PPP2R5E: variants seen among roughly 807,000 people sequenced by gnomAD.
The protein encoded by PPP2R5E is serine/threonine-protein phosphatase 2A 56 kDa regulatory subunit epsilon isoform.
PPP2R5E carries 4 observed loss-of-function variants against 65.3 expected under a neutral mutation model. That is an observed-to-expected ratio of 0.06 (90% CI 0.03 to 0.14). The LOEUF is 0.14. Among genes scored for constraint, PPP2R5E ranks in the 10% least tolerant of loss-of-function variants. PPP2R5E has a pLI of 1.00. For missense variants in PPP2R5E, 274 were observed against 556.1 expected (o/e 0.49, Z 5.10); for synonymous variants, 183 against 187.4 (o/e 0.98, Z 0.19).
At chr14:63,515,387 G>A (rs111527166) in intron 2 of PPP2R5E, among the ~76,000 whole-genome samples, 5 of 152,118 alleles carry the variant, frequency 3.3e-5, no homozygotes, top group African/African-American at 9.7e-5. Flanking sequence ...AAGATAACTT[G>A]GAAAACAATT....
chr14:63,522,147 T>G (rs1359259830), intron 2 of PPP2R5E, among the ~76,000 whole-genome samples: 1 of 152,074 alleles, frequency 6.6e-6, no homozygotes, highest in Non-Finnish European at 1.5e-5. Context: ...GGTTTCGCTG[T>G]GTTGGCCGGG....
At chr14:63,457,347 A>G (rs1280859983) in intron 2 of PPP2R5E, among the ~76,000 whole-genome samples, 1 of 152,184 alleles carries the variant, frequency 6.6e-6, no homozygotes, top group African/African-American at 2.4e-5. Context: ...TAAAAGGATC[A>G]CTTAAGAAGC....
At chr14:63,414,602 T>A (rs1267729783) in intron 5 of PPP2R5E, among the ~76,000 whole-genome samples, 1 of 152,188 alleles carries the variant, frequency 6.6e-6, no homozygotes, top group Non-Finnish European at 1.5e-5. Flanking sequence ...GAAAAAAGTG[T>A]TCCCGGAGAT....
chr14:63,409,232 CA>C (rs1418087078), intron 5 of PPP2R5E, among the ~76,000 whole-genome samples: 1 of 151,674 alleles, frequency 6.6e-6, no homozygotes, highest in Non-Finnish European at 1.5e-5. Flanking sequence ...GACTCTGTCT[CA>C]AAAAAACAAT....
chr14:63,419,563 T>C (rs1886888432), intron 4 of PPP2R5E, among the ~76,000 whole-genome samples: 1 of 151,706 alleles, frequency 6.6e-6, no homozygotes, highest in African/African-American at 2.4e-5. Flanking sequence ...GGTGGCTAAT[T>C]TGTGCTATAA....
At chr14:63,388,024 C>T (rs570773448) in intron 11 of PPP2R5E, among the ~76,000 whole-genome samples, 67 of 152,260 alleles carry the variant, frequency 4.4e-4, no homozygotes, top group Admixed American at 7.8e-4. Flanking sequence ...TTTAAGTCGC[C>T]AGTCTTGTTA....
At chr14:63,519,389 C>T (rs902740613) in intron 2 of PPP2R5E, among the ~76,000 whole-genome samples, 2 of 151,728 alleles carry the variant, frequency 1.3e-5, no homozygotes, top group African/African-American at 4.8e-5. Context: ...CTTGTTCTGT[C>T]ACCCAGGCTG....
At chr14:63,379,430 C>A (rs1884183921) in intron 13 of PPP2R5E, among the ~76,000 whole-genome samples, 2 of 152,206 alleles carry the variant, frequency 1.3e-5, no homozygotes, top group Admixed American at 1.3e-4. Flanking sequence ...TGCCTCCACG[C>A]CCGGCTAATT....
intron 2 of PPP2R5E, among the ~76,000 whole-genome samples, chr14:63,503,188 T>G (rs961017054): frequency 2.0e-5 from 3 of 152,116 alleles, no homozygotes; most frequent in Non-Finnish European, 2.9e-5. Context: ...AGAGGGATTT[T>G]GGGAAAGGCA....
At chr14:63,505,284 C>CAAAT (rs925114049) in intron 2 of PPP2R5E, among the ~76,000 whole-genome samples, 11 of 152,146 alleles carry the variant, frequency 7.2e-5, no homozygotes, top group East Asian at 1.9e-4. Flanking sequence ...GAGACTCTGT[C>CAAAT]AAATAAATAA....
At chr14:63,497,346 C>T (rs1391970462) in intron 2 of PPP2R5E, among the ~76,000 whole-genome samples, 1 of 152,098 alleles carries the variant, frequency 6.6e-6, no homozygotes, top group African/African-American at 2.4e-5. Context: ...GGCTCCCCAT[C>T]AAAAGGCCAC....
At chr14:63,455,974 C>A (rs1398064829) in intron 2 of PPP2R5E, among the ~76,000 whole-genome samples, 1 of 152,120 alleles carries the variant, frequency 6.6e-6, no homozygotes, top group East Asian at 1.9e-4. Flanking sequence ...GCCATGTTGG[C>A]CAGGCTGGTC....
At chr14:63,379,563 C>T (rs1159014170) in intron 13 of PPP2R5E, among the ~76,000 whole-genome samples, 7 of 152,000 alleles carry the variant, frequency 4.6e-5, no homozygotes, top group East Asian at 1.9e-4. Flanking sequence ...TGAGCCACTA[C>T]GCCTGGCCCC....
At chr14:63,461,537 C>G (rs1889458026) in intron 2 of PPP2R5E, among the ~76,000 whole-genome samples, 1 of 151,872 alleles carries the variant, frequency 6.6e-6, no homozygotes, top group African/African-American at 2.4e-5. Context: ...GGCTCCCACC[C>G]AAAATCCCAG....
At chr14:63,465,687 A>G (rs1889761048) in intron 2 of PPP2R5E, among the ~76,000 whole-genome samples, 1 of 152,188 alleles carries the variant, frequency 6.6e-6, no homozygotes, top group Non-Finnish European at 1.5e-5. Flanking sequence ...TAGTAATACC[A>G]AACTTGAATT....
chr14:63,496,480 A>G (rs1260570467), intron 2 of PPP2R5E, among the ~76,000 whole-genome samples: 2 of 151,552 alleles, frequency 1.3e-5, no homozygotes, highest in Non-Finnish European at 2.9e-5. Flanking sequence ...CTTAAGGCTT[A>G]ATTAAATTTG....
intron 5 of PPP2R5E, among the ~76,000 whole-genome samples, chr14:63,409,977 T>C (rs73272573): frequency 7.2e-5 from 11 of 152,310 alleles, no homozygotes; most frequent in Admixed American, 2.6e-4. Flanking sequence ...TTACAATATA[T>C]AGGGAAGTCA....
At chr14:63,390,702 A>T (rs1027425456) in intron 10 of PPP2R5E, among the ~76,000 whole-genome samples, 2 of 152,244 alleles carry the variant, frequency 1.3e-5, no homozygotes, top group African/African-American at 4.8e-5. Flanking sequence ...CGTTTCTGCT[A>T]AAAGTAAAAT....
intron 3 of PPP2R5E, among the ~76,000 whole-genome samples, chr14:63,431,055 A>T (rs1192672086): frequency 6.6e-6 from 1 of 152,114 alleles, no homozygotes; most frequent in Non-Finnish European, 1.5e-5. Context: ...AGATCACAAG[A>T]TCAAGAAATC....
Sources: allele counts gnomAD v4.1 joint callset (sites outside exome capture counted in the v4.1 genomes callset), GRCh38; gene constraint gnomAD v4.1.1; transcripts MANE v1.5; gene names NCBI Gene and HGNC (gene_info 2026-07-23, HGNC 2026-07-21).